Variants in SLC9A3 observed in about 807,000 individuals in gnomAD.
The protein encoded by SLC9A3 is sodium/hydrogen exchanger 3.
SLC9A3 carries 37 observed loss-of-function variants against 86.8 expected under a neutral mutation model. That is an observed-to-expected ratio of 0.43 (90% CI 0.33 to 0.56). The LOEUF (loss-of-function observed/expected upper bound fraction) is 0.56, where lower values mean the gene tolerates loss of function less well. Ranked by LOEUF, SLC9A3 falls within the 20% of genes least tolerant of loss-of-function variation. The pLI is 0.06. For synonymous variants in SLC9A3, 581 were observed against 528.3 expected, an observed-to-expected ratio of 1.10 and a Z score of -1.37; for missense variants, 1,011 against 1,171.9, an observed-to-expected ratio of 0.86 and a Z score of 2.00.
intron 1 of SLC9A3, among the ~76,000 whole-genome samples, chr5:507,238 G>A (rs1740635060): frequency 8.6e-6 from 1 of 115,824 alleles, no homozygotes; most frequent in South Asian, 3.0e-4. Context: ...GCGCGATCTG[G>A]GCTCACTGCA....
Position 485,295 on chromosome 5 carries a change from C to T in SLC9A3, c.676-64G>A, listed in dbSNP as rs546608519. 229 of 1,364,328 alleles carry T rather than the reference C, an allele frequency of 1.7e-4. 2 individuals carry two copies. Among genetic ancestry groups the T allele is most frequent in the Middle Eastern group, 3.6e-4 (2 of 5,530 alleles). 84.5% of individuals were successfully genotyped at this position (1,364,328 alleles called of 1,614,324 possible). A position where few individuals can be genotyped will look rare whatever the true frequency, so the allele number is the denominator to read the frequency against. ...TTAGTGCCACCCCCTCTCCGGGGCC[C>T]GGGCCTCGCTGGACTTGGCCCGAGT... On this transcript the variant is annotated intron_variant, in intron 3 of 16. Coordinates refer to ENST00000264938, the MANE Select transcript of SLC9A3 (RefSeq NM_004174.4).
rs760117543 is a variant in SLC9A3 at position 491,829 on chromosome 5, C to T, written c.454G>A (p.Val152Met). 5.6e-5 allele frequency: 90 copies of T among 1,596,814 alleles called. 1 individual carries two copies. The highest frequency in any genetic ancestry group is 3.3e-4 in the South Asian group (29 of 88,598). Residue 152 changes from valine to methionine, a missense_variant, in exon 2 of 17, where the codon GTG becomes ATG. By Grantham distance (21) the Val-to-Met change is conservative. This residue lies in a region of SLC9A3 where 565 missense variants were observed against 790.0 expected (regional missense o/e 0.72). Coordinates refer to ENST00000264938, the MANE Select transcript of SLC9A3 (RefSeq NM_004174.4). The surrounding 1 kb of genome is among the most constrained non-coding windows in gnomAD (Gnocchi z 9.2). ...TILLYAVVGTVWNAATTGLSL... is the reference protein window; with the variant it reads ...TILLYAVVGTMWNAATTGLSL... ...AGCCCGGTGGTGGCCGCGTTCCACA[C>T]GGTACCCACGACGGCGTACAACAGG...
intron 10 of SLC9A3, chr5:479,422 C>T (rs543744425): frequency 2.3e-4 from 47 of 200,740 alleles, no homozygotes; most frequent in Middle Eastern, 2.1e-3. Context: ...ATGGCCGGCC[C>T]ACAGCGGGAG....
intron 2 of SLC9A3, among the ~76,000 whole-genome samples, chr5:489,384 G>A (rs886482809): frequency 3.9e-5 from 6 of 152,186 alleles, no homozygotes; most frequent in Non-Finnish European, 8.8e-5. Context: ...GGGCTGGAGC[G>A]GAGCCCACCA....
In SLC9A3 at chr5:473,351, G is replaced by A. The variant is rs1243062274; in HGVS notation, c.*28C>T. On this transcript the variant is annotated 3_prime_UTR_variant, in exon 17 of 17. Coordinates refer to ENST00000264938, the MANE Select transcript of SLC9A3 (RefSeq NM_004174.4). The stretch of plus-strand genomic sequence containing the variant: ...GCGGACCGTGGCGCGGGGACGAGCG[G>A]CCGGTTAGCGGCGTGTCGGAGCCGG... The A allele has an allele frequency of 2.1e-6, 3 of 1,417,318 alleles. No individual in the cohort carries two copies. The highest frequency in any genetic ancestry group is 2.8e-6 in the Non-Finnish European group (3 of 1,079,206). 87.8% of individuals were successfully genotyped at this position (1,417,318 alleles called of 1,614,324 possible). A position where few individuals can be genotyped will look rare whatever the true frequency, so the allele number is the denominator to read the frequency against.
Position 488,196 on chromosome 5 carries a change from G to A in SLC9A3, c.675+120C>T, listed in dbSNP as rs925279281. On this transcript the variant is annotated intron_variant, in intron 3 of 16. Transcript: ENST00000264938. ...GGAGGTGGAGGGACGGGACGCCCCC[G>A]GGAGGGGAGTTTGAGGACAGGGTTT... The A allele has an allele frequency of 1.9e-5, 21 of 1,133,484 alleles. No homozygotes were observed. In the African/African-American group the frequency reaches 1.9e-4, roughly 10 times the overall value. 70.2% of individuals were successfully genotyped at this position (1,133,484 alleles called of 1,614,324 possible).
At position 497,335 on chromosome 5, in the gene SLC9A3, C is replaced by T. The variant is rs569195104; in HGVS notation, c.212-5264G>A. On this transcript the variant is annotated intron_variant, in intron 1 of 16. Transcript: ENST00000264938. The surrounding 1 kb of genome is among the most constrained non-coding windows in gnomAD (Gnocchi z 5.4). ...GCAGGAGTCGACGCCCCCCACTGCCCTCGAAACCTGGTTTCTCTGCTCCCG... is the reference window on the plus strand; with the variant it reads ...GCAGGAGTCGACGCCCCCCACTGCCTTCGAAACCTGGTTTCTCTGCTCCCG... Among the ~76,000 whole-genome samples, 3 of 152,266 alleles carry T rather than the reference C, an allele frequency of 2.0e-5. No homozygotes were observed. The highest frequency in any genetic ancestry group is 2.0e-4 in the Admixed American group (3 of 15,302).
Position 473,176 on chromosome 5 carries a change from G to GCGCAGGCCCCGCCCCCGGCGCCGGC in SLC9A3, c.*202_*203insGCCGGCGCCGGGGGCGGGGCCTGCG. The GCGCAGGCCCCGCCCCCGGCGCCGGC allele has an allele frequency of 2.1e-6, 1 of 479,874 alleles. No individual in the cohort carries two copies. The highest frequency in any genetic ancestry group is 3.2e-6 in the Non-Finnish European group (1 of 314,126). The allele number at this position is 479,874 out of a possible 1,614,324, so 29.7% of individuals were successfully genotyped here. A position where few individuals can be genotyped will look rare whatever the true frequency, so the allele number is the denominator to read the frequency against. ...GCCCCCGGCGCAGGCCCCGCCCCCG[G>GCGCAGGCCCCGCCCCCGGCGCCGGC]CTCGCCCTCGGGCGGCTCTGCGGGC... On this transcript the variant is annotated 3_prime_UTR_variant, in exon 17 of 17. Transcript: ENST00000264938.
intron 1 of SLC9A3, among the ~76,000 whole-genome samples, chr5:510,680 G>C (rs576794612): frequency 5.0e-4 from 76 of 152,366 alleles, no homozygotes; most frequent in African/African-American, 1.7e-3. Context: ...GCCCGGAAAG[G>C]CCCAGGCAGG....
chr5:492,451 C>T (rs183805676), intron 1 of SLC9A3, among the ~76,000 whole-genome samples: 1 of 98,340 alleles, frequency 1.0e-5, no homozygotes, highest in Non-Finnish European at 2.1e-5. Context: ...GGGCAGAGCC[C>T]TCGGGGGAGG....
At chr5:481,712 A>C in intron 8 of SLC9A3, 77 bp from the exon 9 acceptor site, 1 of 1,256,682 alleles carries the variant, frequency 8.0e-7, no homozygotes. Flanking sequence ...CTCCTGGCCC[A>C]GCCCCGAGGA....
At position 476,219 on chromosome 5, in the gene SLC9A3, C is replaced by T. The variant is rs1373655376; in HGVS notation, c.2050G>A (p.Glu684Lys). ...NKKAAKLYKR[E>K]RAQKRRNSSI... is the part of the protein sequence containing the mutation. ...AGCCTTACCCGCTTCTGGGCACGCT[C>T]CCGCTTGTACAGCTTGGCCGCCTTC... Residue 684 changes from glutamate to lysine, a missense_variant, in exon 13 of 17, where the codon GAG becomes AAG. Glu to Lys is a moderately conservative substitution (Grantham distance 56). Around this residue, in one of 3 missense-constraint regions of SLC9A3, gnomAD observed 397 missense variants for 346.3 expected, o/e 1.15. Transcript: ENST00000264938. 7 of 1,613,702 alleles carry T rather than the reference C, an allele frequency of 4.3e-6. No homozygotes were observed. Among genetic ancestry groups the T allele is most frequent in the African/African-American group, 1.3e-5 (1 of 74,928 alleles).
At chr5:482,839 A>T in intron 6 of SLC9A3, 89 bp from the exon 7 acceptor site, 1 of 1,053,104 alleles carries the variant, frequency 9.5e-7, no homozygotes, top group Non-Finnish European at 1.4e-6. Context: ...TTGGCGGCCA[A>T]GCATGTGCTG....
chr5:520,415 T>C (rs978098985), intron 1 of SLC9A3, among the ~76,000 whole-genome samples: 4 of 152,128 alleles, frequency 2.6e-5, no homozygotes, highest in African/African-American at 4.8e-5. Flanking sequence ...CCCGAAGGGT[T>C]GAGAACAGGA....
chr5:475,485 T>A, intron 15 of SLC9A3, 76 bp downstream of exon 15: 2 of 868,010 alleles, frequency 2.3e-6, no homozygotes, highest in Non-Finnish European at 3.7e-6. Flanking sequence ...GTGCCCCTGG[T>A]CCAATGACCG....
At chr5:523,992 T>G (rs1442387489) in intron 1 of SLC9A3, 120 bp downstream of exon 1, 1 of 533,514 alleles carries the variant, frequency 1.9e-6, no homozygotes, top group African/African-American at 2.0e-5. Context: ...AGAGCCGGAC[T>G]CTCCCGGGCG....
intron 1 of SLC9A3, among the ~76,000 whole-genome samples, chr5:501,067 T>A (rs73042943): frequency 0.024 from 3,588 of 152,286 alleles, 135 homozygotes; most frequent in African/African-American, 0.082. Flanking sequence ...AAGCACACAA[T>A]GGCTTGGTGG....
In SLC9A3 at chr5:480,124, G is replaced by A. The variant is rs763394749; in HGVS notation, c.1518-159C>T. On this transcript the variant is annotated intron_variant, in intron 9 of 16. Transcript: ENST00000264938. Reference sequence around the variant, plus strand: ...GCAGCCCCTGCCACACGCCCAGGCCGTCCGCCGTTCTCCCGCCTGTCCTGT... The same window carrying A: ...GCAGCCCCTGCCACACGCCCAGGCCATCCGCCGTTCTCCCGCCTGTCCTGT... 30 of 711,298 alleles carry A rather than the reference G, an allele frequency of 4.2e-5. 1 individual carries two copies. Among genetic ancestry groups the A allele is most frequent in the African/African-American group, 9.0e-5 (5 of 55,550 alleles). 44.1% of individuals were successfully genotyped at this position (711,298 alleles called of 1,614,324 possible).
intron 6 of SLC9A3, 137 bp from the exon 7 acceptor site, chr5:482,887 G>A (rs2721030): frequency 2.1e-5 from 14 of 681,858 alleles, no homozygotes; most frequent in East Asian, 8.3e-5. Context: ...GCGTCCCCAC[G>A]CCACGTCCCT....
Sources: gnomAD v4.1 joint callset for allele counts (sites outside exome capture counted in the v4.1 genomes callset) on GRCh38, gnomAD v4.1.1 for gene constraint, gnomAD v4.1.1 regional missense constraint, Gnocchi (gnomAD v3.1) non-coding constraint, MANE v1.5 for transcripts, NCBI Gene and HGNC (gene_info 2026-07-23, HGNC 2026-07-21) for gene names.